Variants in MROH2A observed in about 807,000 individuals in gnomAD.
The protein encoded by MROH2A is maestro heat-like repeat-containing protein family member 2A.
Under a neutral mutation model 200.4 loss-of-function variants are expected in MROH2A, and 174 were observed. The observed-to-expected ratio is 0.87, with a 90% CI of 0.77 to 0.98. The LOEUF (loss-of-function observed/expected upper bound fraction) is 0.98. Among genes scored for constraint, MROH2A ranks in the 50% least tolerant of loss-of-function variants. The pLI, the probability that MROH2A is intolerant of heterozygous loss-of-function variation, is 0.00. For synonymous variants in MROH2A, 829 were observed against 840.4 expected (o/e 0.99, Z 0.23); for missense variants, 2,045 against 2,139.6 (o/e 0.96, Z 0.87).
At chr2:233,806,973 C>G (rs1183524614) in intron 19 of MROH2A, among the ~76,000 whole-genome samples, 1 of 152,010 alleles carries the variant, frequency 6.6e-6, no homozygotes, top group Admixed American at 6.6e-5. Flanking sequence ...TCCGCAAAGT[C>G]CATTGTATCA....
At position 233,833,161 on chromosome 2, in the gene MROH2A, C is replaced by G. The variant is rs544792774; in HGVS notation, c.4927C>G (p.Pro1643Ala). The G allele has an allele frequency of 1.3e-6, 2 of 1,548,958 alleles. No homozygotes were observed. The highest frequency in any genetic ancestry group is 2.7e-5 in the African/African-American group (2 of 72,902). ...RNSLQELQLD[P>A]DPGVRRAALE... ...AGCCCTCCAGGAACTACAGCTGGAC[C>G]CGGATCCCGGGGTCAGGAGGGCAGC... Residue 1643 changes from proline (P) to alanine (A), a missense_variant, in exon 42 of 42, where the codon CCG (proline) becomes GCG (alanine). Coordinates refer to ENST00000389758, the MANE Select transcript of MROH2A (RefSeq NM_001394639.1).
At chr2:233,794,340 C>T (rs1010244535) in intron 7 of MROH2A, 23 bp from the exon 8 acceptor site, 5 of 1,529,176 alleles carry the variant, frequency 3.3e-6, no homozygotes, top group South Asian at 1.2e-5. Flanking sequence ...ACAATGCGTC[C>T]CAGAGCTGGT....
In MROH2A at chr2:233,818,103, G is replaced by A; in HGVS notation, c.3063G>A (p.Leu1021=). 6.4e-7 allele frequency: 1 copy of A among 1,550,836 alleles called. No individual in the cohort carries two copies. The highest frequency in any genetic ancestry group is 8.7e-7 in the Non-Finnish European group (1 of 1,147,058). ...QRTRMASMNV[L]SSLLDLHASQ... The stretch of plus-strand genomic sequence containing the variant: ...CCCGCATGGCCTCAATGAATGTCCT[G>A]TCCAGCCTGCTAGATCTTCACGGTA... Residue 1021 remains leucine, a synonymous_variant, in exon 28 of 42, where the codon CTG becomes CTA. Transcript: ENST00000389758.
intron 19 of MROH2A, among the ~76,000 whole-genome samples, chr2:233,806,538 A>G (rs1399236927): frequency 6.6e-6 from 1 of 152,228 alleles, no homozygotes; most frequent in African/African-American, 2.4e-5. Context: ...GATCATGAGA[A>G]TATGAAAAGA....
At chr2:233,829,939 C>T (rs1244404956) in intron 38 of MROH2A, among the ~76,000 whole-genome samples, 164 bp downstream of exon 38, 1 of 152,166 alleles carries the variant, frequency 6.6e-6, no homozygotes, top group Admixed American at 6.5e-5. Flanking sequence ...GTCCTCCATC[C>T]CTCACACAGG....
chr2:233,776,310 T>C (rs1340118424), upstream of MROH2A, among the ~76,000 whole-genome samples: 1 of 152,032 alleles, frequency 6.6e-6, no homozygotes, highest in Admixed American at 6.6e-5. Flanking sequence ...GTGAGTGGAT[T>C]GTGAGTTCAA....
intron 39 of MROH2A, among the ~76,000 whole-genome samples, chr2:233,831,935 G>A (rs1434295729): frequency 6.6e-6 from 1 of 152,196 alleles, no homozygotes; most frequent in Non-Finnish European, 1.5e-5. Context: ...AAGTGCTGCA[G>A]GGTTACACAT....
intron 3 of MROH2A, among the ~76,000 whole-genome samples, chr2:233,781,122 T>C (rs1700937174): frequency 6.6e-6 from 1 of 152,240 alleles, no homozygotes; most frequent in Admixed American, 6.5e-5. Context: ...ACATTTTCTT[T>C]ATCCCTTCAT....
In MROH2A at chr2:233,807,632, G is replaced by A. The variant is rs760256389; in HGVS notation, c.2172+90G>A. ...TCATGTGGCTGCATGCGTTTTGTGTGTGTGTGTGTACATGTGTGTGTGCCT... is the reference window on the plus strand; with the variant it reads ...TCATGTGGCTGCATGCGTTTTGTGTATGTGTGTGTACATGTGTGTGTGCCT... On this transcript the variant is annotated intron_variant, in intron 20 of 41. Transcript: ENST00000389758. This position sits in a 1 kb window ranked among gnomAD's most constrained non-coding sequence, Gnocchi z 4.3. 2 of 1,543,150 alleles carry A rather than the reference G, an allele frequency of 1.3e-6. No homozygotes were observed. Among genetic ancestry groups the A allele is most frequent in the South Asian group, 1.2e-5 (1 of 83,460 alleles).
chr2:233,790,840 A>G (rs868694597), intron 5 of MROH2A, among the ~76,000 whole-genome samples: 7 of 152,266 alleles, frequency 4.6e-5, no homozygotes, highest in Middle Eastern at 6.8e-3. Context: ...CCAACAGGCA[A>G]ACAAGGAAAT....
Position 233,802,239 on chromosome 2 carries a change from C to T in MROH2A, c.1632C>T (p.Ile544=). 1 of 1,550,530 alleles carries T rather than the reference C, an allele frequency of 6.4e-7. No homozygotes were observed. The highest frequency in any genetic ancestry group is 1.2e-5 in the South Asian group (1 of 84,054). The change falls in exon 15 of 42, where the codon ATC becomes ATT. Residue 544 remains isoleucine (I), a synonymous_variant. Transcript: ENST00000389758. ...DYVEALTPIC[I]SLTNLAEHQL... ...TGGAAGCTTTGACTCCTATCTGTAT[C>T]AGCCTCACAAACCTGGCAGAACACC...
rs1353550317 is a variant in MROH2A, at chr2:233,804,209, G to A, written c.1891+17G>A. On this transcript the variant is annotated intron_variant, in intron 17 of 41. Transcript: ENST00000389758. Reference sequence around the variant, plus strand: ...ACCTGGAAGGTGAGGTTCCTGGGGAGCCCATCCCAAGCCAACCCTCCAATC... The same window carrying A: ...ACCTGGAAGGTGAGGTTCCTGGGGAACCCATCCCAAGCCAACCCTCCAATC... 9 of 1,549,896 alleles carry A rather than the reference G, an allele frequency of 5.8e-6. No individual in the cohort carries two copies. The highest frequency in any genetic ancestry group is 2.7e-5 in the African/African-American group (2 of 73,036).
Position 233,788,048 on chromosome 2 carries a change from TTATATATACATATATTA to T in MROH2A, c.277-1433_277-1417del, listed in dbSNP as rs1453086071. On this transcript the variant is annotated intron_variant, in intron 3 of 41. Coordinates refer to ENST00000389758, the MANE Select transcript of MROH2A (RefSeq NM_001394639.1). ...CATATATTATATATATACATATATA[TTATATATACATATATTA>T]TATATATACATATATATTATATATA... 6.5e-5 allele frequency among the ~76,000 whole-genome samples: 5 copies of T among 77,466 alleles called. 1 individual carries two copies. Among genetic ancestry groups the T allele is most frequent in the African/African-American group, 1.5e-4 (3 of 19,842 alleles). The allele number at this position is 77,466 out of a possible 152,430, so 50.8% of individuals were successfully genotyped here.
intron 22 of MROH2A, among the ~76,000 whole-genome samples, chr2:233,810,250 C>T (rs1703070954): frequency 6.6e-6 from 1 of 152,106 alleles, no homozygotes. Flanking sequence ...AAACTGGGAA[C>T]AAAAAGAGGT....
chr2:233,809,935 A>G (rs2126144079), intron 22 of MROH2A, among the ~76,000 whole-genome samples: 1 of 151,956 alleles, frequency 6.6e-6, no homozygotes. Flanking sequence ...CCTGGCAACC[A>G]CCTTTACTCT....
At chr2:233,795,831 CT>C (rs1180864865) in intron 9 of MROH2A, 86 bp downstream of exon 9, 1 of 1,547,470 alleles carries the variant, frequency 6.5e-7, no homozygotes, top group African/African-American at 1.4e-5. Context: ...TGGCCCACAA[CT>C]CACTCGCGTG....
At position 233,798,826 on chromosome 2, in the gene MROH2A, C is replaced by T; in HGVS notation, c.1305C>T (p.Asn435=). The change falls in exon 12 of 42, where the codon AAC becomes AAT. Residue 435 remains asparagine, a synonymous_variant. Coordinates refer to ENST00000389758, the MANE Select transcript of MROH2A (RefSeq NM_001394639.1). ...AIYLAIRVVK[N]TISDTRSKVR... ...ACCTGGCTATCCGGGTAGTCAAGAA[C>T]ACCATCTCTGATACCCGGTCCAAGG... The T allele has an allele frequency of 2.6e-6, 4 of 1,550,452 alleles. No homozygotes were observed. The highest frequency in any genetic ancestry group is 3.5e-6 in the Non-Finnish European group (4 of 1,146,926).
In MROH2A at chr2:233,799,855, C is replaced by T. The variant is rs1559454442; in HGVS notation, c.1405C>T (p.Leu469=). Reference sequence around the variant, plus strand: ...CCAGGAGAGAATCAAAGGCTGGGGCCTGAAGTACCTGTCTGTGCAGCTGAC... The same window carrying T: ...CCAGGAGAGAATCAAAGGCTGGGGCTTGAAGTACCTGTCTGTGCAGCTGAC... ...GYQERIKGWG[L]KYLSVQLTLS... The change falls in exon 13 of 42, where the codon CTG becomes TTG. Residue 469 remains leucine, a synonymous_variant. Transcript: ENST00000389758. The T allele has an allele frequency of 6.4e-7, 1 of 1,550,550 alleles. No individual in the cohort carries two copies. Among genetic ancestry groups the T allele is most frequent in the Admixed American group, 2.0e-5 (1 of 50,998 alleles).
Position 233,803,425 on chromosome 2 carries a change from G to A in MROH2A, c.1709-23G>A, listed in dbSNP as rs1343569979. On this transcript the variant is annotated intron_variant, in intron 15 of 41. Coordinates refer to ENST00000389758, the MANE Select transcript of MROH2A (RefSeq NM_001394639.1). ...TGGTACAAGCCAGGAAGGCTCAGCTGGGGTTGCATTTCCTTCAATCAGTGG... is the reference window on the plus strand; with the variant it reads ...TGGTACAAGCCAGGAAGGCTCAGCTAGGGTTGCATTTCCTTCAATCAGTGG... 9 of 1,550,404 alleles carry A rather than the reference G, an allele frequency of 5.8e-6. No homozygotes were observed. The African/African-American group carries it at 8.2e-5, about 14-fold the overall frequency.
Sources: gnomAD v4.1 joint callset for allele counts (sites outside exome capture counted in the v4.1 genomes callset) on GRCh38, gnomAD v4.1.1 for gene constraint, Gnocchi (gnomAD v3.1) non-coding constraint, MANE v1.5 for transcripts, NCBI Gene and HGNC (gene_info 2026-07-23, HGNC 2026-07-21) for gene names.